TLK2: variants seen among roughly 807,000 people sequenced by gnomAD.
The protein encoded by TLK2 is serine/threonine-protein kinase tousled-like 2.
Under a neutral mutation model 117.3 loss-of-function variants are expected in TLK2, and 6 were observed. The observed-to-expected ratio is 0.05, with a 90% CI of 0.03 to 0.10. TLK2 has a LOEUF of 0.10. TLK2 is among the 10% of genes least tolerant of loss of function. TLK2 has a pLI of 1.00. For synonymous variants in TLK2, 257 were observed against 316.7 expected, an observed-to-expected ratio of 0.81 and a Z score of 2.00; for missense variants, 299 against 901.2, an observed-to-expected ratio of 0.33 and a Z score of 8.56.
upstream of TLK2, among the ~76,000 whole-genome samples, chr17:62,474,368 G>A (rs761713086): frequency 6.7e-6 from 1 of 150,100 alleles, no homozygotes; most frequent in Non-Finnish European, 1.5e-5. Flanking sequence ...ATGAGCCACC[G>A]CGCCCGGCCC....
At chr17:62,570,117 A>T (rs1200617809) in intron 11 of TLK2, among the ~76,000 whole-genome samples, 1 of 152,198 alleles carries the variant, frequency 6.6e-6, no homozygotes, top group African/African-American at 2.4e-5. Flanking sequence ...TATCATGTCC[A>T]GTATGACCTC....
chr17:62,485,247 T>C (rs2072201115), intron 2 of TLK2, among the ~76,000 whole-genome samples: 1 of 152,178 alleles, frequency 6.6e-6, no homozygotes, highest in Non-Finnish European at 1.5e-5. Context: ...TTGATGTCCA[T>C]AGAAGGAAGA....
chr17:62,474,102 C>T (rs541844594), upstream of TLK2, among the ~76,000 whole-genome samples: 12 of 152,008 alleles, frequency 7.9e-5, no homozygotes, highest in African/African-American at 2.7e-4. Context: ...TTTTTGAGAC[C>T]GAGTCTCGCT....
At chr17:62,599,707 A>G (rs1364462768) in intron 17 of TLK2, among the ~76,000 whole-genome samples, 2 of 151,990 alleles carry the variant, frequency 1.3e-5, no homozygotes, top group Non-Finnish European at 2.9e-5. Context: ...CTCTTCCATC[A>G]TCTGTATGAT....
At chr17:62,489,174 CGTGTGT>C (rs59470331) in intron 2 of TLK2, among the ~76,000 whole-genome samples, 52 of 140,806 alleles carry the variant, frequency 3.7e-4, no homozygotes, top group Admixed American at 1.2e-3. Context: ...TTTAATTGTA[CGTGTGT>C]GTGTGTGTGT....
At chr17:62,482,442 G>A in intron 2 of TLK2, among the ~76,000 whole-genome samples, 1 of 145,622 alleles carries the variant, frequency 6.9e-6, no homozygotes. Flanking sequence ...GGGATAGCTT[G>A]ATAGGGTTTT....
chr17:62,491,576 A>G (rs565999090), intron 2 of TLK2, among the ~76,000 whole-genome samples: 4 of 151,946 alleles, frequency 2.6e-5, no homozygotes, highest in East Asian at 3.9e-4. Flanking sequence ...ATGGTTAGCT[A>G]AGTACTTCAT....
intron 2 of TLK2, among the ~76,000 whole-genome samples, chr17:62,488,501 C>T (rs1242282703): frequency 6.6e-6 from 1 of 152,052 alleles, no homozygotes; most frequent in African/African-American, 2.4e-5. Flanking sequence ...GAGAAATGGC[C>T]TATACTTATA....
At chr17:62,479,906 A>G (rs2071420196) in intron 1 of TLK2, among the ~76,000 whole-genome samples, 3 of 152,184 alleles carry the variant, frequency 2.0e-5, no homozygotes, top group African/African-American at 4.8e-5. Context: ...GCAGGGCAAG[A>G]CGCGAGGAAG....
chr17:62,527,350 A>C (rs2076431815), intron 6 of TLK2, among the ~76,000 whole-genome samples: 1 of 152,104 alleles, frequency 6.6e-6, no homozygotes, highest in African/African-American at 2.4e-5. Flanking sequence ...TTGTTGATTC[A>C]TATTTATACG....
rs529801466 is a variant in TLK2, at chr17:62,552,462, T to C, written c.627+65T>C. 1.0e-5 allele frequency: 16 copies of C among 1,607,522 alleles called. No homozygotes were observed. The South Asian group carries it at 1.8e-4, about 18-fold the overall frequency. ...CTGTGTAGGAATAAGGGCTAACCTGTGTAGTCTGTCATTCTTCTCTGACTT... is the reference window on the plus strand; with the variant it reads ...CTGTGTAGGAATAAGGGCTAACCTGCGTAGTCTGTCATTCTTCTCTGACTT... On this transcript the variant is annotated intron_variant, in intron 8 of 21. Coordinates refer to ENST00000346027, the MANE Select transcript of TLK2 (RefSeq NM_006852.6).
intron 16 of TLK2, among the ~76,000 whole-genome samples, chr17:62,594,284 T>C (rs2082294999): frequency 2.6e-5 from 4 of 152,204 alleles, no homozygotes; most frequent in Admixed American, 2.6e-4. Context: ...GGGATGTGCC[T>C]GTAATCCCAG....
At chr17:62,536,531 C>T (rs1450349012) in intron 7 of TLK2, among the ~76,000 whole-genome samples, 194 bp downstream of exon 7, 3 of 152,058 alleles carry the variant, frequency 2.0e-5, no homozygotes, top group Non-Finnish European at 4.4e-5. Context: ...TTTTCCCAGT[C>T]TCCCTTGGTT....
intron 2 of TLK2, among the ~76,000 whole-genome samples, chr17:62,514,914 T>A (rs1412311447): frequency 6.6e-6 from 1 of 152,216 alleles, no homozygotes; most frequent in Non-Finnish European, 1.5e-5. Context: ...TCTTAACCAT[T>A]TTTAAGTGTA....
chr17:62,554,336 A>T (rs1023484655), intron 9 of TLK2, among the ~76,000 whole-genome samples: 1 of 152,212 alleles, frequency 6.6e-6, no homozygotes, highest in African/African-American at 2.4e-5. Context: ...GCACTTTGGG[A>T]GGCCAAGGCA....
intron 10 of TLK2, among the ~76,000 whole-genome samples, chr17:62,563,221 G>A (rs1352232470): frequency 6.6e-6 from 1 of 152,164 alleles, no homozygotes. Flanking sequence ...ATGAGGGTGG[G>A]CGAATAAGAC....
chr17:62,501,112 C>T (rs1365021725), intron 2 of TLK2, among the ~76,000 whole-genome samples: 1 of 152,098 alleles, frequency 6.6e-6, no homozygotes, highest in Admixed American at 6.6e-5. Context: ...GTGGCAGGTG[C>T]CTGTAGTCCC....
chr17:62,546,306 C>T (rs2077909290), intron 7 of TLK2, among the ~76,000 whole-genome samples: 1 of 148,498 alleles, frequency 6.7e-6, no homozygotes, highest in Admixed American at 6.9e-5. Flanking sequence ...AGCCACTGCA[C>T]CCGGCTGAGA....
At chr17:62,583,283 C>T (rs538370513) in intron 15 of TLK2, among the ~76,000 whole-genome samples, 185 of 152,046 alleles carry the variant, frequency 1.2e-3, no homozygotes, top group Non-Finnish European at 1.9e-3. Flanking sequence ...TTAGTAGAGA[C>T]GGGATTTCAC....
Sources: gnomAD v4.1 joint callset for allele counts (sites outside exome capture counted in the v4.1 genomes callset) on GRCh38, gnomAD v4.1.1 for gene constraint, MANE v1.5 for transcripts, NCBI Gene and HGNC (gene_info 2026-07-23, HGNC 2026-07-21) for gene names.